The following HPSE2 variants were observed in gnomAD, a reference collection of about 807,000 sequenced individuals.
HPSE2 encodes inactive heparanase-2.
In HPSE2, 38 loss-of-function variants were observed where a neutral mutation model predicts 60.5. The observed-to-expected ratio is 0.63, with a 90% CI of 0.48 to 0.82. The LOEUF (loss-of-function observed/expected upper bound fraction) is 0.82, where lower values mean the gene tolerates loss of function less well. Ranked by LOEUF, HPSE2 falls within the 40% of genes least tolerant of loss-of-function variation. The pLI is 0.00. For synonymous variants in HPSE2, 295 were observed against 293.2 expected, an observed-to-expected ratio of 1.01 and a Z score of -0.06; for missense variants, 713 against 740.4, an observed-to-expected ratio of 0.96 and a Z score of 0.43.
At position 98,641,851 on chromosome 10, in the gene HPSE2, T is replaced by C; in HGVS notation, c.1094A>G (p.Gln365Arg). 1 of 1,611,774 alleles carries C rather than the reference T, an allele frequency of 6.2e-7. No individual in the cohort carries two copies. The highest frequency in any genetic ancestry group is 8.5e-7 in the Non-Finnish European group (1 of 1,177,934). ...DTLSDQIRKI[Q>R]KVVNTYTPGK... ...TCCCAGGATACTTTTACTCACTTTC[T>C]GAATTTTCCTAATCTGGTCAGAGAG... is the stretch of plus-strand genomic sequence containing the variant. Residue 365 changes from glutamine (Q) to arginine (R), a missense_variant, in exon 7 of 12, where the codon CAG becomes CGG. Physicochemically the swap from Gln to Arg is conservative, Grantham distance 43. Coordinates refer to ENST00000370552, the MANE Select transcript of HPSE2 (RefSeq NM_021828.5).
At chr10:99,301,420 A>G in the HPSE2 span, among the ~76,000 whole-genome samples, 130,511 of 152,156 alleles carry the variant, frequency 0.86, 56,360 homozygotes, top group African/African-American at 0.93. Flanking sequence ...GATCTTTGCA[A>G]AAGGTTAAAT....
chr10:98,563,975 T>C (rs1390884517), intron 9 of HPSE2, among the ~76,000 whole-genome samples: 1 of 152,178 alleles, frequency 6.6e-6, no homozygotes, highest in East Asian at 1.9e-4. Context: ...AACTGTAAAA[T>C]GGAAATGATG....
At chr10:98,889,834 G>A (rs1022054310) in intron 3 of HPSE2, among the ~76,000 whole-genome samples, 14 of 152,126 alleles carry the variant, frequency 9.2e-5, no homozygotes, top group Non-Finnish European at 1.3e-4. Context: ...AGTTTGGAAC[G>A]GAGGATGGGG....
chr10:98,797,980 C>G (rs992494881), intron 3 of HPSE2, among the ~76,000 whole-genome samples: 2 of 152,130 alleles, frequency 1.3e-5, no homozygotes, highest in Non-Finnish European at 2.9e-5. Context: ...GGTTATTGAA[C>G]ACCAAGCAGG....
intron 3 of HPSE2, among the ~76,000 whole-genome samples, chr10:98,830,083 C>CTCAT (rs879661645): frequency 1.1e-4 from 16 of 151,906 alleles, no homozygotes; most frequent in South Asian, 8.3e-4. Context: ...TTCTCATTCA[C>CTCAT]TCATTCATTC....
the HPSE2 span, among the ~76,000 whole-genome samples, chr10:99,257,650 G>T: frequency 1.3e-5 from 2 of 152,110 alleles, no homozygotes; most frequent in African/African-American, 4.8e-5. Flanking sequence ...TTTTAATTTA[G>T]CCCTGGTCCT....
chr10:98,534,022 C>A (rs1564946369), intron 9 of HPSE2, among the ~76,000 whole-genome samples: 3 of 152,046 alleles, frequency 2.0e-5, no homozygotes, highest in Admixed American at 2.0e-4. Context: ...GATGACTTAG[C>A]CTTTCAGGAC....
At chr10:98,806,770 A>C (rs1951051411) in intron 3 of HPSE2, among the ~76,000 whole-genome samples, 1 of 152,222 alleles carries the variant, frequency 6.6e-6, no homozygotes, top group Non-Finnish European at 1.5e-5. Flanking sequence ...AAGATGTTGC[A>C]TATGTTTAAA....
At chr10:99,184,786 T>TTATATATATATATATATATATATATAA (rs1847913280) in intron 2 of HPSE2, among the ~76,000 whole-genome samples, 2 of 25,284 alleles carry the variant, frequency 7.9e-5, no homozygotes, top group Non-Finnish European at 1.5e-4. Context: ...CTATCCAAAA[T>TTATATATATATATATATATATATATAA]TATATATATA....
At chr10:98,561,753 C>T (rs914961733) in intron 9 of HPSE2, among the ~76,000 whole-genome samples, 1 of 152,110 alleles carries the variant, frequency 6.6e-6, no homozygotes, top group African/African-American at 2.4e-5. Flanking sequence ...GAGGTTGAGG[C>T]ACGAGAATCA....
At chr10:98,851,285 G>A (rs545897511) in intron 3 of HPSE2, among the ~76,000 whole-genome samples, 1 of 152,226 alleles carries the variant, frequency 6.6e-6, no homozygotes, top group Non-Finnish European at 1.5e-5. Flanking sequence ...GCAGAGAGGG[G>A]GCCTCTGAAT....
At chr10:98,524,612 T>G (rs924172695) in intron 9 of HPSE2, among the ~76,000 whole-genome samples, 5 of 152,226 alleles carry the variant, frequency 3.3e-5, no homozygotes, top group African/African-American at 1.2e-4. Context: ...CAACTAGTTG[T>G]TCTTTTTTCT....
chr10:98,766,188 A>G (rs996799566), intron 3 of HPSE2, among the ~76,000 whole-genome samples: 17 of 152,176 alleles, frequency 1.1e-4, no homozygotes, highest in South Asian at 6.2e-4. Flanking sequence ...ATAAAACAGA[A>G]CAATGCCTTG....
intron 6 of HPSE2, among the ~76,000 whole-genome samples, chr10:98,662,888 A>C (rs1278644137): frequency 6.6e-6 from 1 of 152,256 alleles, no homozygotes; most frequent in East Asian, 1.9e-4. Flanking sequence ...ACAAACAGAG[A>C]TCTATTTAGG....
At chr10:99,015,348 G>A (rs1957114116) in intron 3 of HPSE2, among the ~76,000 whole-genome samples, 1 of 152,114 alleles carries the variant, frequency 6.6e-6, no homozygotes, top group Non-Finnish European at 1.5e-5. Context: ...AAATCATGCT[G>A]CTATAAAGAC....
intron 3 of HPSE2, among the ~76,000 whole-genome samples, chr10:98,973,094 G>A (rs1366328783): frequency 6.6e-6 from 1 of 152,108 alleles, no homozygotes; most frequent in African/African-American, 2.4e-5. Flanking sequence ...GAACTGCAGT[G>A]ATTTCTACTA....
chr10:99,096,449 C>T (rs1843720414), intron 3 of HPSE2, among the ~76,000 whole-genome samples: 1 of 152,106 alleles, frequency 6.6e-6, no homozygotes, highest in African/African-American at 2.4e-5. Context: ...GATAAGAAAA[C>T]TGAGGTCCAA....
intron 9 of HPSE2, among the ~76,000 whole-genome samples, chr10:98,578,641 A>G (rs142574217): frequency 1.3e-5 from 2 of 152,346 alleles, no homozygotes; most frequent in East Asian, 3.9e-4. Flanking sequence ...AGAAATTAAA[A>G]TTATAAAATT....
rs1255866978 is a variant in HPSE2, at chr10:98,524,407, T to C, written c.1321-34211A>G. ...ATGTGTAAGTAGGGAGTGGTGGGGC[T>C]GACTGTCCGAGAGGCCACACTTTCT... is the stretch of plus-strand genomic sequence containing the variant. On this transcript the variant is annotated intron_variant, in intron 9 of 11. Coordinates refer to ENST00000370552, the MANE Select transcript of HPSE2 (RefSeq NM_021828.5). Among the ~76,000 whole-genome samples the C allele has an allele frequency of 1.0e-3, 154 of 152,286 alleles. 1 individual carries two copies. Among genetic ancestry groups the C allele is most frequent in the Admixed American group, 0.01 (153 of 15,286 alleles).
Sources: allele counts gnomAD v4.1 joint callset (sites outside exome capture counted in the v4.1 genomes callset), GRCh38; gene constraint gnomAD v4.1.1; transcripts MANE v1.5; gene names NCBI Gene and HGNC (gene_info 2026-07-23, HGNC 2026-07-21).